The following DISP2 variants were observed in gnomAD, a reference collection of about 807,000 sequenced individuals.
The protein encoded by DISP2 is dispatched RND transporter family member 2.
Under a neutral mutation model 95.5 loss-of-function variants are expected in DISP2, and 59 were observed. The ratio of observed to expected loss-of-function variants is 0.62; its 90% CI spans 0.50 to 0.77. The LOEUF is 0.77. DISP2 is among the 30% of genes least tolerant of loss of function. The probability of loss-of-function intolerance (pLI) is 0.00; values close to 1 mark genes in which losing one functional copy is unlikely to be tolerated. For synonymous variants in DISP2, 827 were observed against 815.0 expected, an observed-to-expected ratio of 1.01 and a Z score of -0.25; for missense variants, 1,752 against 1,854.6, an observed-to-expected ratio of 0.94 and a Z score of 1.02.
rs776391352 is a variant in DISP2 at position 40,367,045 on chromosome 15, G to T, written c.946-13G>T. On this transcript the variant is annotated splice_polypyrimidine_tract_variant and intron_variant, in intron 7 of 7. Transcript: ENST00000267889. ...CTGCCCCTGAACTCTCCCCTCCTGC[G>T]TGTGCCCTACAGATCCGCTCCCATA... 6.2e-7 allele frequency: 1 copy of T among 1,605,314 alleles called. No homozygotes were observed. The highest frequency in any genetic ancestry group is 8.5e-7 in the Non-Finnish European group (1 of 1,179,596).
Position 40,368,554 on chromosome 15 carries a change from A to T in DISP2, c.2442A>T (p.Ala814=). The change falls in exon 8 of 8, where the codon GCA becomes GCT. Residue 814 remains alanine (A), a synonymous_variant. Coordinates refer to ENST00000267889, the MANE Select transcript of DISP2 (RefSeq NM_033510.3). ...CTGAGGCCCAGCGCTGGCTGCTGGC[A>T]CTCTGTCACCGGGCCCGGAATCAGA... ...SGPEAQRWLL[A]LCHRARNQSF... 1 of 1,604,060 alleles carries T rather than the reference A, an allele frequency of 6.2e-7. No individual in the cohort carries two copies. The highest frequency in any genetic ancestry group is 1.1e-5 in the South Asian group (1 of 91,064).
intron 5 of DISP2, 81 bp from the exon 6 acceptor site, chr15:40,365,066 G>T: frequency 1.3e-6 from 2 of 1,584,394 alleles, no homozygotes; most frequent in Non-Finnish European, 8.6e-7. Context: ...GCCAAGGAAG[G>T]CTCCCTGGGG....
At chr15:40,358,721 C>T in intron 1 of DISP2, among the ~76,000 whole-genome samples, 1 of 152,188 alleles carries the variant, frequency 6.6e-6, no homozygotes, top group East Asian at 1.9e-4. Context: ...GGCCAGGACT[C>T]CCTGGCTCCT....
chr15:40,366,108 C>T (rs1889494167), intron 7 of DISP2, among the ~76,000 whole-genome samples: 1 of 152,226 alleles, frequency 6.6e-6, no homozygotes, highest in Admixed American at 6.5e-5. Context: ...GAATCATATA[C>T]AATAACATCT....
chr15:40,368,697 C>G lies in DISP2; in HGVS notation c.2585C>G (p.Ser862Trp). 1 of 1,612,926 alleles carries G rather than the reference C, an allele frequency of 6.2e-7. No homozygotes were observed. Among genetic ancestry groups the G allele is most frequent in the South Asian group, 1.1e-5 (1 of 91,088 alleles). Residue 862 changes from serine to tryptophan, a missense_variant, in exon 8 of 8, where the codon TCG becomes TGG. Around this residue, in one of 5 missense-constraint regions of DISP2, gnomAD observed 317 missense variants for 394.9 expected, o/e 0.80. Transcript: ENST00000267889. ...RLGPDLCCGHSDFPWAPQFFL... is the reference protein window; with the variant it reads ...RLGPDLCCGHWDFPWAPQFFL... ...GGGCCTGACCTCTGCTGCGGCCACT[C>G]GGACTTCCCCTGGGCCCCCCAGTTT...
At position 40,372,591 on chromosome 15, in the gene DISP2, T is replaced by C. The variant is rs1566918885; in HGVS notation, c.*2273T>C. 1.3e-5 allele frequency: 2 copies of C among 152,226 alleles called. No individual in the cohort carries two copies. The highest frequency in any genetic ancestry group is 1.3e-4 in the Admixed American group (2 of 15,278). The allele number at this position is 152,226 out of a possible 1,614,324, so 9.4% of individuals were successfully genotyped here. On this transcript the variant is annotated 3_prime_UTR_variant, in exon 8 of 8. Transcript: ENST00000267889. ...AATTTGAACCTGTCCCCAGGGGGTC[T>C]GCTGGGACCTCTCTCTTCATGTCCA... is the stretch of plus-strand genomic sequence containing the variant.
In DISP2 at chr15:40,378,140, C is replaced by G. The variant is rs929337080; in HGVS notation, c.*7822C>G. On this transcript the variant is annotated 3_prime_UTR_variant, in exon 8 of 8. Transcript: ENST00000267889. ...AATTACCAGTCATGCAAACTATAAC[C>G]CATCATAAGGAGAAAAATCAGTTGA... The G allele has an allele frequency of 4.6e-5, 7 of 152,146 alleles. No individual in the cohort carries two copies. Among genetic ancestry groups the G allele is most frequent in the Non-Finnish European group, 7.4e-5 (5 of 68,024 alleles). 9.4% of individuals were successfully genotyped at this position (152,146 alleles called of 1,614,324 possible).
In DISP2 at chr15:40,358,393, A is replaced by G. The variant is rs1293156230; in HGVS notation, c.72A>G (p.Gln24=). Residue 24 remains glutamine (Q), a synonymous_variant, in exon 1 of 8, where the codon CAA becomes CAG. Coordinates refer to ENST00000267889, the MANE Select transcript of DISP2 (RefSeq NM_033510.3). ...CCGGCCCGGGTCCGGAAGGGGAGCA[A>G]CGGCCCGAGGGGGAGCCCTTGGCCC... ...PAPGPGPEGE[Q]RPEGEPLAPD... 8.1e-6 allele frequency: 11 copies of G among 1,356,298 alleles called. No individual in the cohort carries two copies. In the South Asian group the frequency reaches 8.9e-5, roughly 11 times the overall value. The allele number at this position is 1,356,298 out of a possible 1,614,324, so 84.0% of individuals were successfully genotyped here. A position where few individuals can be genotyped will look rare whatever the true frequency, so the allele number is the denominator to read the frequency against.
Position 40,358,265 on chromosome 15 carries a change from C to A in DISP2, c.-57C>A. On this transcript the variant is annotated 5_prime_UTR_variant, in exon 1 of 8. Coordinates refer to ENST00000267889, the MANE Select transcript of DISP2 (RefSeq NM_033510.3). ...CCGCTGCCGCCGCCACCGCCGCCGCCGCCGCCGCCGCCGCGGCTTCAGCAC... is the reference window on the plus strand; with the variant it reads ...CCGCTGCCGCCGCCACCGCCGCCGCAGCCGCCGCCGCCGCGGCTTCAGCAC... 3 of 1,184,656 alleles carry A rather than the reference C, an allele frequency of 2.5e-6. No individual in the cohort carries two copies. The highest frequency in any genetic ancestry group is 3.1e-6 in the Non-Finnish European group (3 of 959,194). The allele number at this position is 1,184,656 out of a possible 1,614,324, so 73.4% of individuals were successfully genotyped here.
rs775584749 is a variant in DISP2, at chr15:40,358,451, C to G, written c.119+11C>G. On this transcript the variant is annotated intron_variant, in intron 1 of 7. Coordinates refer to ENST00000267889, the MANE Select transcript of DISP2 (RefSeq NM_033510.3). ...CGGCTCCCCGGACAGGTAGGGCGGACAGCTCCGCAGATCCGTATCACAGAC... is the reference window on the plus strand; with the variant it reads ...CGGCTCCCCGGACAGGTAGGGCGGAGAGCTCCGCAGATCCGTATCACAGAC... 1.7e-3 allele frequency: 2,176 copies of G among 1,300,890 alleles called. 6 individuals carry two copies. The highest frequency in any genetic ancestry group is 1.3e-3 in the Non-Finnish European group (1,371 of 1,023,292). The allele number at this position is 1,300,890 out of a possible 1,614,324, so 80.6% of individuals were successfully genotyped here.
At position 40,371,662 on chromosome 15, in the gene DISP2, G is replaced by A. The variant is rs1382632287; in HGVS notation, c.*1344G>A. The A allele has an allele frequency of 6.6e-6, 1 of 152,240 alleles. No homozygotes were observed. The highest frequency in any genetic ancestry group is 1.5e-5 in the Non-Finnish European group (1 of 68,042). 9.4% of individuals were successfully genotyped at this position (152,240 alleles called of 1,614,324 possible). A position where few individuals can be genotyped will look rare whatever the true frequency, so the allele number is the denominator to read the frequency against. On this transcript the variant is annotated 3_prime_UTR_variant, in exon 8 of 8. Coordinates refer to ENST00000267889, the MANE Select transcript of DISP2 (RefSeq NM_033510.3). Reference sequence around the variant, plus strand: ...GACAAGTCTCTCTGTGGAGCGTTAAGCAGACCAAAGGCTGGTTCCTCCTTC... The same window carrying A: ...GACAAGTCTCTCTGTGGAGCGTTAAACAGACCAAAGGCTGGTTCCTCCTTC...
chr15:40,364,618 GTAGGGTAGCCATGGTAGCCTGGGGA>G lies in DISP2; in HGVS notation c.603+92_603+116del, dbSNP rs1482764166. 2.0e-5 allele frequency: 31 copies of G among 1,574,474 alleles called. No individual in the cohort carries two copies. In the African/African-American group the frequency reaches 3.1e-4, roughly 16 times the overall value. ...CCCAGCCTGGGGCAGAAAGTTGGAG[GTAGGGTAGCCATGGTAGCCTGGGGA>G]TAGGGTAGCCATGGTAGGCTCTTGA... On this transcript the variant is annotated intron_variant, in intron 4 of 7. Coordinates refer to ENST00000267889, the MANE Select transcript of DISP2 (RefSeq NM_033510.3).
intron 1 of DISP2, among the ~76,000 whole-genome samples, chr15:40,360,158 C>T (rs953990782): frequency 5.3e-5 from 8 of 152,202 alleles, no homozygotes; most frequent in Non-Finnish European, 1.0e-4. Flanking sequence ...CTTTCCATCC[C>T]CCTGCCTGCC....
At chr15:40,363,452 G>A (rs1019393475) in intron 1 of DISP2, among the ~76,000 whole-genome samples, 173 bp from the exon 2 acceptor site, 5 of 152,156 alleles carry the variant, frequency 3.3e-5, no homozygotes, top group Admixed American at 2.6e-4. Flanking sequence ...GTAGGCTGAG[G>A]GCGCAGACTT....
chr15:40,369,901 A>G lies in DISP2; in HGVS notation c.3789A>G (p.Ser1263=), dbSNP rs1286818982. ...QGEEAEPLPA[S]PEAPAHSPKA... is the part of the protein sequence containing the mutation. ...AGGAGGCTGAGCCCCTGCCAGCCTCACCAGAAGCCCCAGCCCACTCTCCTA... is the reference window on the plus strand; with the variant it reads ...AGGAGGCTGAGCCCCTGCCAGCCTCGCCAGAAGCCCCAGCCCACTCTCCTA... The change falls in exon 8 of 8, where the codon TCA becomes TCG. Residue 1263 remains serine, a synonymous_variant. Coordinates refer to ENST00000267889, the MANE Select transcript of DISP2 (RefSeq NM_033510.3). 1.9e-6 allele frequency: 3 copies of G among 1,567,830 alleles called. No homozygotes were observed. Among genetic ancestry groups the G allele is most frequent in the Non-Finnish European group, 1.7e-6 (2 of 1,155,976 alleles).
Position 40,367,837 on chromosome 15 carries a change from G to C in DISP2, c.1725G>C (p.Ser575=), listed in dbSNP as rs75662097. Residue 575 remains serine (S), a synonymous_variant, in exon 8 of 8, where the codon TCG becomes TCC. Coordinates refer to ENST00000267889, the MANE Select transcript of DISP2 (RefSeq NM_033510.3). ...LWRLSKSQLP[S]GGLAQRVGRT... ...GCCTTAGCAAGAGCCAGCTGCCGTC[G>C]GGGGGGCTGGCGCAGCGCGTGGGCC... 1.8e-3 allele frequency: 2,903 copies of C among 1,600,770 alleles called. 53 individuals are homozygous for C. In the African/African-American group the frequency reaches 0.033, roughly 18 times the overall value.
chr15:40,360,084 G>C (rs1468546913), intron 1 of DISP2, among the ~76,000 whole-genome samples: 1 of 152,154 alleles, frequency 6.6e-6, no homozygotes, highest in East Asian at 1.9e-4. Context: ...TCTGTGTCTA[G>C]GAGCCTGTCA....
chr15:40,362,115 G>T (rs556987042), intron 1 of DISP2, among the ~76,000 whole-genome samples: 2 of 152,280 alleles, frequency 1.3e-5, no homozygotes, highest in South Asian at 4.1e-4. Flanking sequence ...GAAGACTCTT[G>T]CTAACTCTTT....
At position 40,367,867 on chromosome 15, in the gene DISP2, C is replaced by T; in HGVS notation, c.1755C>T (p.Thr585=). ...SGGLAQRVGR[T]MHHFGYLLLV... ...GGCTGGCGCAGCGCGTGGGCCGCACCATGCACCACTTCGGCTACCTGCTGC... is the reference window on the plus strand; with the variant it reads ...GGCTGGCGCAGCGCGTGGGCCGCACTATGCACCACTTCGGCTACCTGCTGC... Residue 585 remains threonine (T), a synonymous_variant, in exon 8 of 8, where the codon ACC becomes ACT. Transcript: ENST00000267889. 1.2e-6 allele frequency: 2 copies of T among 1,600,052 alleles called. No individual in the cohort carries two copies. Among genetic ancestry groups the T allele is most frequent in the South Asian group, 1.1e-5 (1 of 90,990 alleles).
Sources: gnomAD v4.1 joint callset for allele counts (sites outside exome capture counted in the v4.1 genomes callset) on GRCh38, gnomAD v4.1.1 for gene constraint, gnomAD v4.1.1 regional missense constraint, MANE v1.5 for transcripts, NCBI Gene and HGNC (gene_info 2026-07-23, HGNC 2026-07-21) for gene names.